The following SAMD11 variants were observed in gnomAD, a reference collection of about 807,000 sequenced individuals.
The protein encoded by SAMD11 is sterile alpha motif domain containing 11.
In SAMD11, 77 loss-of-function variants were observed where a neutral mutation model predicts 64.4. The observed-to-expected ratio is 1.20, with a 90% CI of 0.99 to 1.44. The LOEUF is 1.44. Among genes scored for constraint, SAMD11 ranks in the 40% most tolerant of loss-of-function variants. The pLI is 0.00. For synonymous variants in SAMD11, 658 were observed against 421.9 expected (o/e 1.56, Z -6.86); for missense variants, 1,402 against 943.3 (o/e 1.49, Z -6.37).
At chr1:933,993 G>GCTC (rs1164506762) in intron 4 of SAMD11, among the ~76,000 whole-genome samples, 2 of 68,602 alleles carry the variant, frequency 2.9e-5, no homozygotes, top group African/African-American at 1.4e-4. Context: ...GGAGGCGGCT[G>GCTC]CGTTACAGGT....
Position 926,003 on chromosome 1 carries a change from C to T in SAMD11, c.599C>T (p.Ser200Phe), listed in dbSNP as rs1329301928. The T allele has an allele frequency of 3.7e-6, 6 of 1,611,628 alleles. No individual in the cohort carries two copies. The highest frequency in any genetic ancestry group is 4.5e-5 in the East Asian group (2 of 44,890). The change falls in exon 2 of 14, where the codon TCC (serine) becomes TTC (phenylalanine). Residue 200 changes from serine (S) to phenylalanine (F), a missense_variant. Physicochemically the swap from Ser to Phe is radical, Grantham distance 155 (BLOSUM62 -2). Coordinates refer to ENST00000616016, the MANE Select transcript of SAMD11 (RefSeq NM_001385641.1). Reference protein sequence around the residue: ...PICDCPGCRISSPVNRGRLAD... With the variant: ...PICDCPGCRIFSPVNRGRLAD... The stretch of plus-strand genomic sequence containing the variant: ...TGCGACTGCCCGGGCTGCCGAATAT[C>T]CTCCCCGGTGGTGAGATGCGGGGCT...
At position 939,112 on chromosome 1, in the gene SAMD11, G is replaced by T. The variant is rs751035336; in HGVS notation, c.1040G>T (p.Arg347Leu). Reference protein sequence around the residue: ...SSDCFSEKRARSESPQEALLL... With the variant: ...SSDCFSEKRALSESPQEALLL... The stretch of plus-strand genomic sequence containing the variant: ...GACTGCTTTTCAGAGAAGAGGGCAC[G>T]AAGCGAATCGCCTCAAGGTAAGAGC... Residue 347 changes from arginine to leucine, a missense_variant, in exon 6 of 14, where the codon CGA becomes CTA. Coordinates refer to ENST00000616016, the MANE Select transcript of SAMD11 (RefSeq NM_001385641.1). 6.3e-7 allele frequency: 1 copy of T among 1,597,420 alleles called. No homozygotes were observed. Among genetic ancestry groups the T allele is most frequent in the Non-Finnish European group, 8.5e-7 (1 of 1,172,102 alleles).
chr1:926,878 G>T (rs754714734), intron 2 of SAMD11, among the ~76,000 whole-genome samples: 26 of 152,178 alleles, frequency 1.7e-4, no homozygotes, highest in Non-Finnish European at 2.8e-4. Flanking sequence ...TCCAGGAAAG[G>T]GTAGGAGAGG....
intron 7 of SAMD11, 108 bp from the exon 8 acceptor site, chr1:941,036 G>A: frequency 5.6e-6 from 6 of 1,069,366 alleles, no homozygotes; most frequent in East Asian, 2.7e-5. Context: ...GCCGAGCACG[G>A]CCGAGTGGTG....
chr1:931,315 G>T (rs1270362105), intron 4 of SAMD11, among the ~76,000 whole-genome samples: 1 of 152,250 alleles, frequency 6.6e-6, no homozygotes, highest in African/African-American at 2.4e-5. Context: ...GACCCAGTCA[G>T]ATGCAGCTCT....
chr1:925,656 G>A (rs927072977), intron 1 of SAMD11: 3 of 391,334 alleles, frequency 7.7e-6, no homozygotes, highest in South Asian at 2.7e-5. Context: ...AGAGGGTGGA[G>A]CGCGGGAGGA....
At chr1:943,467 C>T (rs909357765) in intron 12 of SAMD11, 90 bp downstream of exon 12, 15 of 1,170,390 alleles carry the variant, frequency 1.3e-5, no homozygotes, top group Middle Eastern at 2.8e-4. Context: ...GGGCCATTCC[C>T]CAACGCCCTC....
chr1:930,109 C>A, intron 2 of SAMD11, 46 bp from the exon 3 acceptor site: 1 of 1,529,000 alleles, frequency 6.5e-7, no homozygotes, highest in Non-Finnish European at 8.8e-7. Context: ...TCCTGCCCCA[C>A]CTTCCTCTCC....
intron 2 of SAMD11, among the ~76,000 whole-genome samples, chr1:928,924 C>G: frequency 6.6e-6 from 1 of 152,190 alleles, no homozygotes; most frequent in Non-Finnish European, 1.5e-5. Context: ...CAGCCTCATC[C>G]CCAAGCTCCG....
At chr1:932,356 C>T (rs1014944672) in intron 4 of SAMD11, among the ~76,000 whole-genome samples, 2 of 152,188 alleles carry the variant, frequency 1.3e-5, no homozygotes, top group African/African-American at 4.8e-5. Context: ...GCAGCACTGA[C>T]GGCAGACAGC....
At chr1:943,883 C>T (rs764328342) in intron 13 of SAMD11, 25 bp from the exon 14 acceptor site, 4 of 1,612,972 alleles carry the variant, frequency 2.5e-6, no homozygotes, top group East Asian at 2.2e-5. Context: ...TGTGCGACAG[C>T]CCCCACCAGG....
rs1389599690 is a variant in SAMD11 at position 939,261 on chromosome 1, G to C, written c.1058-14G>C. ...TGCCTGGAGAAACCTCTCACCCCGG[G>C]TCCTCCCCAGCAGAGGCGCTGCTGC... On this transcript the variant is annotated splice_polypyrimidine_tract_variant and intron_variant, in intron 6 of 13. Transcript: ENST00000616016. The C allele has an allele frequency of 6.9e-6, 11 of 1,583,622 alleles. 1 individual carries two copies. In the East Asian group the frequency reaches 2.3e-4, roughly 33 times the overall value.
intron 2 of SAMD11, among the ~76,000 whole-genome samples, chr1:928,125 G>A (rs538589026): frequency 2.6e-5 from 4 of 152,344 alleles, no homozygotes; most frequent in Non-Finnish European, 4.4e-5. Flanking sequence ...CGGGTGTGGT[G>A]GCGCATGCCT....
At chr1:941,491 G>C (rs1035121179) in intron 8 of SAMD11, among the ~76,000 whole-genome samples, 185 bp downstream of exon 8, 32 of 152,048 alleles carry the variant, frequency 2.1e-4, no homozygotes, top group Non-Finnish European at 8.8e-5. Context: ...ACTGGGGTGC[G>C]TGAGGGAGGC....
chr1:941,039 G>C, intron 7 of SAMD11, 105 bp from the exon 8 acceptor site: 1 of 1,080,738 alleles, frequency 9.3e-7, no homozygotes. Context: ...GAGCACGGCC[G>C]AGTGGTGTGG....
rs6672356 is a variant in SAMD11 at position 942,451 on chromosome 1, T to G, written c.1516T>G (p.Trp506Gly). The G allele has an allele frequency of 3.4e-6, 5 of 1,488,108 alleles. No homozygotes were observed. The South Asian group carries it at 6.3e-5, about 19-fold the overall frequency. 92.2% of individuals were successfully genotyped at this position (1,488,108 alleles called of 1,614,324 possible). Residue 506 changes from tryptophan (W) to glycine (G), a missense_variant, in exon 10 of 14, where the codon TGG (tryptophan) becomes GGG (glycine). Transcript: ENST00000616016. Reference sequence around the variant, plus strand: ...CCCCGCGCAGGCGGAGATGTTCGCCTGGCAGCAGGAGCTCCTGCGGAAGCA... The same window carrying G: ...CCCCGCGCAGGCGGAGATGTTCGCCGGGCAGCAGGAGCTCCTGCGGAAGCA... ...LPPAQAEMFA[W>G]QQELLRKQNL... is the part of the protein sequence containing the mutation.
At chr1:936,513 C>T (rs112344117) in intron 5 of SAMD11, among the ~76,000 whole-genome samples, 2,110 of 147,610 alleles carry the variant, frequency 0.014, 65 homozygotes, top group African/African-American at 0.05. Flanking sequence ...GTGCTGCTGC[C>T]TGGTCACAGT....
intron 4 of SAMD11, among the ~76,000 whole-genome samples, chr1:931,405 T>C (rs1641165074): frequency 6.6e-6 from 1 of 152,038 alleles, no homozygotes; most frequent in Non-Finnish European, 1.5e-5. Context: ...GACTGGCCAT[T>C]TGAGCCCAAA....
intron 2 of SAMD11, among the ~76,000 whole-genome samples, chr1:927,288 C>T (rs114644749): frequency 0.019 from 2,835 of 152,296 alleles, 82 homozygotes; most frequent in African/African-American, 0.065. Flanking sequence ...CTGGGCAGCC[C>T]GCTGCCTAGC....
Sources: allele counts gnomAD v4.1 joint callset (sites outside exome capture counted in the v4.1 genomes callset), GRCh38; gene constraint gnomAD v4.1.1; transcripts MANE v1.5; gene names NCBI Gene and HGNC (gene_info 2026-07-23, HGNC 2026-07-21).